Variants in ZNF26 observed in about 807,000 individuals in gnomAD.
ZNF26 encodes epididymis luminal protein 179.
ZNF26 carries 32 observed loss-of-function variants against 54.9 expected under a neutral mutation model. That is an observed-to-expected ratio of 0.58 (90% confidence interval 0.44 to 0.78). The LOEUF is 0.78. ZNF26 is among the 30% of genes least tolerant of loss of function. The pLI, the probability that ZNF26 is intolerant of heterozygous loss-of-function variation, is 0.00. For missense variants in ZNF26, 524 were observed against 634.0 expected, an observed-to-expected ratio of 0.83 and a Z score of 1.86; for synonymous variants, 221 against 209.2, an observed-to-expected ratio of 1.06 and a Z score of -0.49.
In ZNF26 at chr12:133,023,806, T is replaced by C. The variant is rs951575177; in HGVS notation, c.*12325T>C. On this transcript the variant is annotated 3_prime_UTR_variant, in exon 4 of 4. Coordinates refer to ENST00000328654, the MANE Select transcript of ZNF26 (RefSeq NM_019591.4). ...TAACTTCGCAGGATATAAAAAGCCA[T>C]GCGGCTTCTGCCTTGATTGCAGAGA... The C allele has an allele frequency of 6.6e-6, 1 of 152,208 alleles. No individual in the cohort carries two copies. The highest frequency in any genetic ancestry group is 1.5e-5 in the Non-Finnish European group (1 of 68,030). 9.4% of individuals were successfully genotyped at this position (152,208 alleles called of 1,614,324 possible).
At chr12:132,992,384 AT>A (rs1209907576) in intron 1 of ZNF26, among the ~76,000 whole-genome samples, 6 of 151,082 alleles carry the variant, frequency 4.0e-5, no homozygotes, top group African/African-American at 1.5e-4. Context: ...TAGGTAAGGT[AT>A]TTTTTTTCAT....
At position 133,012,224 on chromosome 12, in the gene ZNF26, T is replaced by C. The variant is rs1447286349; in HGVS notation, c.*743T>C. The C allele has an allele frequency of 1.3e-5, 2 of 152,194 alleles. No individual in the cohort carries two copies. The highest frequency in any genetic ancestry group is 2.9e-5 in the Non-Finnish European group (2 of 68,034). 9.4% of individuals were successfully genotyped at this position (152,194 alleles called of 1,614,324 possible). A position where few individuals can be genotyped will look rare whatever the true frequency, so the allele number is the denominator to read the frequency against. ...TTGCAGTTCCATGCCTGTTGTCCAT[T>C]GATTGACATGAGCACCCCTGTTTTC... On this transcript the variant is annotated 3_prime_UTR_variant, in exon 4 of 4. Transcript: ENST00000328654.
Position 133,025,329 on chromosome 12 carries a change from C to T in ZNF26, c.*13848C>T, listed in dbSNP as rs1383234158. On this transcript the variant is annotated 3_prime_UTR_variant, in exon 4 of 4. Coordinates refer to ENST00000328654, the MANE Select transcript of ZNF26 (RefSeq NM_019591.4). ...ATTCAGATTGGGAGAAATAGCACCT[C>T]AGGAACTGCATCCTCAAGAGTCCCA... 1 of 152,168 alleles carries T rather than the reference C, an allele frequency of 6.6e-6. No individual in the cohort carries two copies. Among genetic ancestry groups the T allele is most frequent in the Non-Finnish European group, 1.5e-5 (1 of 68,036 alleles). The allele number at this position is 152,168 out of a possible 1,614,324, so 9.4% of individuals were successfully genotyped here.
At chr12:132,992,253 G>A (rs1389678799) in intron 1 of ZNF26, among the ~76,000 whole-genome samples, 17 of 152,230 alleles carry the variant, frequency 1.1e-4, no homozygotes, top group African/African-American at 4.1e-4. Flanking sequence ...TTTTGTTTGA[G>A]AAAGACTTTT....
At position 133,017,969 on chromosome 12, in the gene ZNF26, A is replaced by ACTGCAGT; in HGVS notation, c.*6489_*6490insTGCAGTC. The ACTGCAGT allele has an allele frequency of 6.6e-6, 1 of 152,384 alleles. No homozygotes were observed. Among genetic ancestry groups the ACTGCAGT allele is most frequent in the East Asian group, 1.9e-4 (1 of 5,188 alleles). 9.4% of individuals were successfully genotyped at this position (152,384 alleles called of 1,614,324 possible). On this transcript the variant is annotated 3_prime_UTR_variant, in exon 4 of 4. Coordinates refer to ENST00000328654, the MANE Select transcript of ZNF26 (RefSeq NM_019591.4). ...GGTTGCAGTGAGCCGAGATCACGCC[A>ACTGCAGT]CCGCACTTCAGCCTGGGCAACAGAG...
rs1014659039 is a variant in ZNF26, at chr12:133,001,146, G to A, written c.34-5896G>A. Among the ~76,000 whole-genome samples, 2 of 152,162 alleles carry A rather than the reference G, an allele frequency of 1.3e-5. No individual in the cohort carries two copies. The highest frequency in any genetic ancestry group is 4.1e-4 in the South Asian group (2 of 4,826). On this transcript the variant is annotated intron_variant, in intron 1 of 3. Transcript: ENST00000328654. The surrounding 1 kb of genome is among the most constrained non-coding windows in gnomAD (Gnocchi z 4.7). ...ACCTCAACGTAATAAGGGCACAGTA[G>A]TGGCTTCATTTTTCTCATCACAGCC...
intron 1 of ZNF26, among the ~76,000 whole-genome samples, chr12:132,999,077 C>T (rs2137231847): frequency 6.6e-6 from 1 of 152,288 alleles, no homozygotes; most frequent in East Asian, 1.9e-4. Context: ...ACAAATCAAG[C>T]AGCTCTTTGT....
Position 132,986,662 on chromosome 12 carries a change from G to A in ZNF26, c.-179G>A. 3.2e-6 allele frequency: 2 copies of A among 620,946 alleles called. No individual in the cohort carries two copies. The highest frequency in any genetic ancestry group is 5.7e-6 in the Non-Finnish European group (2 of 353,376). 38.5% of individuals were successfully genotyped at this position (620,946 alleles called of 1,614,324 possible). On this transcript the variant is annotated 5_prime_UTR_variant, in exon 1 of 4. Coordinates refer to ENST00000328654, the MANE Select transcript of ZNF26 (RefSeq NM_019591.4). ...AGACCGGGAGGTTGTCTAGTCACGC[G>A]CGGTCTGTGTTGGGCGAGAGCTGAG...
At position 133,011,456 on chromosome 12, in the gene ZNF26, G is replaced by A. The variant is rs1291621664; in HGVS notation, c.1577G>A (p.Arg526His). 63 of 1,567,688 alleles carry A rather than the reference G, an allele frequency of 4.0e-5. No individual in the cohort carries two copies. The highest frequency in any genetic ancestry group is 1.2e-4 in the Admixed American group (6 of 50,772). The change falls in exon 4 of 4, where the codon CGT (arginine) becomes CAT (histidine). Residue 526 changes from arginine (R) to histidine (H), a missense_variant. Coordinates refer to ENST00000328654, the MANE Select transcript of ZNF26 (RefSeq NM_019591.4). ...TCCTTCTGTTGGAATTCAGGGCTTC[G>A]TATACATCGGAAGACTCATAAATGA... ...GKSFCWNSGL[R>H]IHRKTHK
At chr12:132,990,452 T>C (rs1262519787) in intron 1 of ZNF26, among the ~76,000 whole-genome samples, 1 of 152,210 alleles carries the variant, frequency 6.6e-6, no homozygotes, top group Non-Finnish European at 1.5e-5. Flanking sequence ...TTTTATTTTC[T>C]AGTATTTTGT....
intron 1 of ZNF26, among the ~76,000 whole-genome samples, chr12:133,000,404 G>A (rs923475880): frequency 1.1e-4 from 16 of 141,426 alleles, no homozygotes; most frequent in Admixed American, 4.3e-4. Context: ...GGCATGCGCC[G>A]CCATACCTGG....
intron 3 of ZNF26, 118 bp from the exon 4 acceptor site, chr12:133,010,018 G>A: frequency 1.9e-6 from 2 of 1,080,340 alleles, no homozygotes; most frequent in Non-Finnish European, 2.6e-6. Context: ...TTGAACCAGT[G>A]TGGTAGGCTT....
At position 133,010,261 on chromosome 12, in the gene ZNF26, T is replaced by G; in HGVS notation, c.382T>G (p.Tyr128Asp). The G allele has an allele frequency of 6.2e-7, 1 of 1,614,076 alleles. No homozygotes were observed. Among genetic ancestry groups the G allele is most frequent in the Non-Finnish European group, 8.5e-7 (1 of 1,180,018 alleles). Residue 128 changes from tyrosine to aspartate, a missense_variant, in exon 4 of 4, where the codon TAT (tyrosine) becomes GAT (aspartate). Coordinates refer to ENST00000328654, the MANE Select transcript of ZNF26 (RefSeq NM_019591.4). ...CCATGATTCTTCAAGACAGAGACTC[T>G]ATAACACACGTGGAAAAAGTTTGAC... is the stretch of plus-strand genomic sequence containing the variant. ...KTHDSSRQRL[Y>D]NTRGKSLTQN...
chr12:132,989,385 T>C (rs1029714176), intron 1 of ZNF26, among the ~76,000 whole-genome samples: 5 of 152,170 alleles, frequency 3.3e-5, no homozygotes, highest in Admixed American at 3.3e-4. Flanking sequence ...TGAACAAAGT[T>C]TTATTCCTTC....
chr12:133,025,555 T>C lies in ZNF26; in HGVS notation c.*14074T>C, dbSNP rs1251722315. 1 of 152,224 alleles carries C rather than the reference T, an allele frequency of 6.6e-6. No individual in the cohort carries two copies. 9.4% of individuals were successfully genotyped at this position (152,224 alleles called of 1,614,324 possible). On this transcript the variant is annotated 3_prime_UTR_variant, in exon 4 of 4. Transcript: ENST00000328654. ...TCCTATCACACATTCTCTTCCACAG[T>C]GTGCCTGCTATATATTTCTCCCATG...
At chr12:133,009,524 C>T (rs1187498196) in intron 3 of ZNF26, among the ~76,000 whole-genome samples, 2 of 151,446 alleles carry the variant, frequency 1.3e-5, no homozygotes, top group Non-Finnish European at 2.9e-5. Context: ...CCCAGGAGGT[C>T]GAGGCTGCAG....
intron 3 of ZNF26, 36 bp from the exon 4 acceptor site, chr12:133,010,100 G>A: frequency 3.9e-6 from 6 of 1,556,240 alleles, no homozygotes; most frequent in Non-Finnish European, 5.2e-6. Context: ...TTTATGTTAT[G>A]ATTCAAAAAG....
At chr12:132,989,028 A>ATTTTTTTTTTT (rs150395603) in intron 1 of ZNF26, among the ~76,000 whole-genome samples, 2 of 78,826 alleles carry the variant, frequency 2.5e-5, no homozygotes. Flanking sequence ...CTTTCGGTGA[A>ATTTTTTTTTTT]TTTTTTTTTT....
Position 132,996,064 on chromosome 12 carries a change from T to C in ZNF26, c.33+9191T>C, listed in dbSNP as rs73433664. On this transcript the variant is annotated intron_variant, in intron 1 of 3. Transcript: ENST00000328654. ...TGAGCTGTTTAGGGGCTGTACTCTG[T>C]TACCTGTGTCTTCGGGTTTCTGGAT... Among the ~76,000 whole-genome samples the C allele has an allele frequency of 2.2e-3, 340 of 152,330 alleles. 2 individuals are homozygous for C. The highest frequency in any genetic ancestry group is 8.0e-3 in the African/African-American group (333 of 41,572).
Sources: allele counts gnomAD v4.1 joint callset (sites outside exome capture counted in the v4.1 genomes callset), GRCh38; gene constraint gnomAD v4.1.1; non-coding constraint Gnocchi (gnomAD v3.1); transcripts MANE v1.5; gene names NCBI Gene and HGNC (gene_info 2026-07-23, HGNC 2026-07-21).